Variants in HTT observed in about 807,000 individuals in gnomAD.
The protein encoded by HTT is huntington disease protein.
In HTT, 104 loss-of-function variants were observed where a neutral mutation model predicts 362.3. The observed-to-expected ratio is 0.29, with a 90% CI of 0.24 to 0.34. The LOEUF (loss-of-function observed/expected upper bound fraction) is 0.34. Among genes scored for constraint, HTT ranks in the 10% least tolerant of loss-of-function variants. HTT has a pLI of 1.00. For missense variants in HTT, 3,301 were observed against 3,928.6 expected, an observed-to-expected ratio of 0.84 and a Z score of 4.27; for synonymous variants, 1,577 against 1,548.7, an observed-to-expected ratio of 1.02 and a Z score of -0.43.
intron 12 of HTT, chr4:3,128,877 C>A (rs554667355): frequency 3.9e-5 from 6 of 152,224 alleles, no homozygotes; most frequent in Non-Finnish European, 8.8e-5. Flanking sequence ...CCACCCATCT[C>A]TGTAACCTTT....
At position 3,174,932 on chromosome 4, in the gene HTT, T is replaced by A. The variant is rs1196434107; in HGVS notation, c.4246-14T>A. ...TACTTATGGATTCTTTCTTTCTTTT[T>A]TTCTTTTTTATAGAATGCTATTCAT... On this transcript the variant is annotated splice_polypyrimidine_tract_variant and intron_variant, in intron 32 of 66. Coordinates refer to ENST00000355072, the MANE Select transcript of HTT (RefSeq NM_001388492.1). The A allele has an allele frequency of 6.4e-7, 1 of 1,561,186 alleles. No individual in the cohort carries two copies. Among genetic ancestry groups the A allele is most frequent in the South Asian group, 1.2e-5 (1 of 84,232 alleles).
intron 39 of HTT, 42 bp from the exon 40 acceptor site, chr4:3,188,909 G>A: frequency 6.3e-7 from 1 of 1,594,580 alleles, no homozygotes; most frequent in Non-Finnish European, 8.6e-7. Context: ...GTGCTTTATA[G>A]TAGTCACCTA....
chr4:3,140,474 A>T, intron 21 of HTT, 36 bp from the exon 22 acceptor site: 1 of 1,607,622 alleles, frequency 6.2e-7, no homozygotes, highest in East Asian at 2.2e-5. Context: ...AGTTTCATCT[A>T]CTTTCTTAAG....
chr4:3,136,182 C>G, intron 20 of HTT, 44 bp from the exon 21 acceptor site: 5 of 1,358,548 alleles, frequency 3.7e-6, no homozygotes, highest in Non-Finnish European at 5.2e-6. Flanking sequence ...AAAATTTAGT[C>G]AAATACAAGA....
At chr4:3,086,727 C>G (rs935561238) in intron 1 of HTT, among the ~76,000 whole-genome samples, 2 of 152,144 alleles carry the variant, frequency 1.3e-5, no homozygotes, top group South Asian at 2.1e-4. Context: ...GTAACATCAT[C>G]TGTTTTTTCT....
In HTT at chr4:3,240,458, G is replaced by C. The variant is rs569033320; in HGVS notation, c.*399G>C. The C allele has an allele frequency of 1.3e-4, 34 of 265,000 alleles. No homozygotes were observed. Among genetic ancestry groups the C allele is most frequent in the African/African-American group, 7.1e-4 (32 of 44,880 alleles). The allele number at this position is 265,000 out of a possible 1,614,324, so 16.4% of individuals were successfully genotyped here. ...CTGCTGTCCTGCAGTAGAAGGTGCC[G>C]TGAGCAGGCTTTGGGAACACTGGCC... On this transcript the variant is annotated 3_prime_UTR_variant, in exon 67 of 67. Transcript: ENST00000355072.
intron 35 of HTT, among the ~76,000 whole-genome samples, chr4:3,179,337 A>T (rs1718386607): frequency 6.6e-6 from 1 of 152,132 alleles, no homozygotes; most frequent in Non-Finnish European, 1.5e-5. Context: ...GGTTTCCTGG[A>T]CTTGGAGGGT....
chr4:3,224,152 G>C (rs201594297), intron 56 of HTT, 21 bp downstream of exon 56: 45 of 1,613,156 alleles, frequency 2.8e-5, no homozygotes, highest in Non-Finnish European at 3.8e-5. Flanking sequence ...GAAAGGGTGC[G>C]GGGGAGCGGT....
intron 40 of HTT, among the ~76,000 whole-genome samples, chr4:3,191,465 C>T (rs1182286431): frequency 6.6e-6 from 1 of 152,200 alleles, no homozygotes; most frequent in East Asian, 1.9e-4. Context: ...AGCCACCGCA[C>T]CCGGCCCGAG....
chr4:3,093,514 CA>C (rs1292706914), intron 2 of HTT, among the ~76,000 whole-genome samples: 4 of 152,134 alleles, frequency 2.6e-5, no homozygotes, highest in African/African-American at 9.7e-5. Context: ...CCTCTTTCCC[CA>C]AAAGATATCA....
chr4:3,210,248 G>A (rs1235366056), intron 47 of HTT, among the ~76,000 whole-genome samples: 1 of 152,162 alleles, frequency 6.6e-6, no homozygotes, highest in African/African-American at 2.4e-5. Context: ...CCAAGGCTGG[G>A]TGTATGGTTT....
At chr4:3,238,164 G>C (rs1721627857) in intron 64 of HTT, among the ~76,000 whole-genome samples, 2 of 151,860 alleles carry the variant, frequency 1.3e-5, no homozygotes, top group South Asian at 4.2e-4. Flanking sequence ...TAGGAGTTCT[G>C]GTCCCTACAG....
chr4:3,231,553 T>G (rs1721252471), intron 60 of HTT, among the ~76,000 whole-genome samples: 1 of 152,164 alleles, frequency 6.6e-6, no homozygotes, highest in African/African-American at 2.4e-5. Flanking sequence ...TCTTGACTGC[T>G]CTTGCCTAGA....
chr4:3,134,987 G>T (rs530506112), intron 19 of HTT, among the ~76,000 whole-genome samples: 1 of 152,098 alleles, frequency 6.6e-6, no homozygotes. Flanking sequence ...CTCCCAAAGT[G>T]CTGGGATTAC....
chr4:3,221,478 T>C (rs1452500031), intron 53 of HTT, among the ~76,000 whole-genome samples: 1 of 152,230 alleles, frequency 6.6e-6, no homozygotes, highest in African/African-American at 2.4e-5. Flanking sequence ...CTCATTTTCT[T>C]TGTTCATTTT....
chr4:3,207,439 C>T, intron 45 of HTT, 82 bp downstream of exon 45: 1 of 1,186,452 alleles, frequency 8.4e-7, no homozygotes, highest in Non-Finnish European at 1.2e-6. Context: ...AATAAATTCA[C>T]AGGACAAGAA....
chr4:3,176,491 T>C (rs1718251666), intron 33 of HTT, among the ~76,000 whole-genome samples: 1 of 152,168 alleles, frequency 6.6e-6, no homozygotes, highest in Non-Finnish European at 1.5e-5. Context: ...CCTTTGACAC[T>C]AGGAGGCTGA....
intron 53 of HTT, among the ~76,000 whole-genome samples, chr4:3,220,827 C>T (rs1418876857): frequency 6.6e-6 from 1 of 152,158 alleles, no homozygotes; most frequent in South Asian, 2.1e-4. Context: ...GCTTCCAGCC[C>T]TCCTACCTGA....
intron 51 of HTT, among the ~76,000 whole-genome samples, chr4:3,217,004 G>A (rs866756415): frequency 3.1e-4 from 46 of 149,928 alleles, no homozygotes; most frequent in Middle Eastern, 3.5e-3. Flanking sequence ...CAGCCTGGGC[G>A]ACAGAGCAAG....
Sources: gnomAD v4.1 joint callset for allele counts (sites outside exome capture counted in the v4.1 genomes callset) on GRCh38, gnomAD v4.1.1 for gene constraint, MANE v1.5 for transcripts, NCBI Gene and HGNC (gene_info 2026-07-23, HGNC 2026-07-21) for gene names.